The following ANKS1B variants were observed in gnomAD, a reference collection of about 807,000 sequenced individuals.
The protein encoded by ANKS1B is ankyrin repeat and sterile alpha motif domain-containing protein 1B.
Under a neutral mutation model 148.3 loss-of-function variants are expected in ANKS1B, and 36 were observed. That is an observed-to-expected ratio of 0.24 (90% CI 0.19 to 0.32). The LOEUF (loss-of-function observed/expected upper bound fraction) is 0.32, where lower values mean the gene tolerates loss of function less well. ANKS1B is among the 10% of genes least tolerant of loss of function. The probability of loss-of-function intolerance (pLI) is 1.00; values close to 1 mark genes in which losing one functional copy is unlikely to be tolerated. For missense variants in ANKS1B, 1,157 were observed against 1,542.6 expected (o/e 0.75, Z 4.19); for synonymous variants, 542 against 560.8 (o/e 0.97, Z 0.47).
chr12:98,956,899 C>T lies in ANKS1B; in HGVS notation c.2778+96258G>A, dbSNP rs74618772. ...TCTGCTCCTCCCTCCATCTCACTGC[C>T]ATGTCCTCCTTCTCCTACCAGCTAC... On this transcript the variant is annotated intron_variant, in intron 17 of 26. Coordinates refer to ENST00000683438, the MANE Select transcript of ANKS1B (RefSeq NM_001352186.2). Among the ~76,000 whole-genome samples, 638 of 152,262 alleles carry T rather than the reference C, an allele frequency of 4.2e-3. 2 individuals are homozygous for T. The highest frequency in any genetic ancestry group is 0.015 in the African/African-American group (621 of 41,548).
intron 17 of ANKS1B, among the ~76,000 whole-genome samples, chr12:98,840,370 T>G (rs1038402483): frequency 6.6e-6 from 1 of 152,172 alleles, no homozygotes; most frequent in East Asian, 1.9e-4. Context: ...CAACTGCTAC[T>G]AAATAATCAG....
In ANKS1B at chr12:99,141,292, A is replaced by T. The variant is rs558942980; in HGVS notation, c.2526+12997T>A. 5.9e-5 allele frequency among the ~76,000 whole-genome samples: 9 copies of T among 152,108 alleles called. 1 individual carries two copies. In the East Asian group the frequency reaches 1.4e-3, roughly 23 times the overall value. Reference sequence around the variant, plus strand: ...TTGACAGTTGTCTACTACTTCTTCTATCCAATGCAACATGGCTTCCGTGGC... The same window carrying T: ...TTGACAGTTGTCTACTACTTCTTCTTTCCAATGCAACATGGCTTCCGTGGC... On this transcript the variant is annotated intron_variant, in intron 15 of 26. Coordinates refer to ENST00000683438, the MANE Select transcript of ANKS1B (RefSeq NM_001352186.2).
chr12:99,166,513 C>T (rs1199160152), intron 14 of ANKS1B, among the ~76,000 whole-genome samples: 1 of 151,882 alleles, frequency 6.6e-6, no homozygotes, highest in South Asian at 2.1e-4. Flanking sequence ...TAAAAACCAA[C>T]ATAATTTACA....
intron 17 of ANKS1B, among the ~76,000 whole-genome samples, chr12:98,993,331 C>A (rs2099927755): frequency 6.6e-6 from 1 of 152,108 alleles, no homozygotes; most frequent in Non-Finnish European, 1.5e-5. Context: ...CCATGCCTGG[C>A]TAATTTTTTG....
At chr12:99,308,500 T>C (rs186835905) in intron 12 of ANKS1B, among the ~76,000 whole-genome samples, 2 of 152,074 alleles carry the variant, frequency 1.3e-5, no homozygotes, top group African/African-American at 4.8e-5. Flanking sequence ...CATTATCATT[T>C]GTCTATTTCT....
At chr12:98,754,071 C>A (rs1251318036) in intron 25 of ANKS1B, among the ~76,000 whole-genome samples, 1 of 152,180 alleles carries the variant, frequency 6.6e-6, no homozygotes, top group Non-Finnish European at 1.5e-5. Flanking sequence ...TGCCTCTGAG[C>A]TTGAGAGTCG....
intron 2 of ANKS1B, among the ~76,000 whole-genome samples, chr12:99,813,307 A>G (rs943701808): frequency 6.6e-6 from 1 of 151,564 alleles, no homozygotes; most frequent in African/African-American, 2.4e-5. Context: ...ACAAAACTGT[A>G]TTTTCATTTG....
At chr12:99,025,812 G>C (rs149165627) in intron 17 of ANKS1B, among the ~76,000 whole-genome samples, 1 of 152,304 alleles carries the variant, frequency 6.6e-6, no homozygotes, top group Non-Finnish European at 1.5e-5. Flanking sequence ...GTCAAAGAAG[G>C]AAATCCACTG....
At chr12:99,593,814 T>A (rs1373414813) in intron 9 of ANKS1B, among the ~76,000 whole-genome samples, 1 of 152,130 alleles carries the variant, frequency 6.6e-6, no homozygotes, top group African/African-American at 2.4e-5. Flanking sequence ...ATAAGGAAAC[T>A]GCCTACCCTG....
intron 17 of ANKS1B, among the ~76,000 whole-genome samples, chr12:98,866,871 G>A (rs939937570): frequency 2.6e-5 from 4 of 152,118 alleles, no homozygotes; most frequent in African/African-American, 9.7e-5. Flanking sequence ...TATCTTCACA[G>A]TCTCTTTATT....
intron 10 of ANKS1B, among the ~76,000 whole-genome samples, chr12:99,474,311 T>G (rs1272140389): frequency 6.6e-6 from 1 of 152,108 alleles, no homozygotes; most frequent in Non-Finnish European, 1.5e-5. Flanking sequence ...AAAACTATCT[T>G]ATCAAACCAT....
intron 10 of ANKS1B, among the ~76,000 whole-genome samples, chr12:99,503,781 G>A: frequency 6.6e-6 from 1 of 150,544 alleles, no homozygotes; most frequent in African/African-American, 2.4e-5. Flanking sequence ...AAAAAAAAAA[G>A]CCTCTCTTCA....
chr12:99,270,469 T>A (rs1363462138), intron 12 of ANKS1B, among the ~76,000 whole-genome samples: 2 of 152,196 alleles, frequency 1.3e-5, no homozygotes, highest in African/African-American at 4.8e-5. Context: ...TTTGTTTTCT[T>A]GCTTATTTTC....
intron 20 of ANKS1B, 150 bp downstream of exon 20, chr12:98,807,694 T>C: frequency 2.0e-6 from 1 of 492,388 alleles, no homozygotes. Flanking sequence ...GCACAGTAAA[T>C]GAAGTATAAT....
At chr12:99,353,493 T>C (rs34541229) in intron 12 of ANKS1B, among the ~76,000 whole-genome samples, 1 of 152,210 alleles carries the variant, frequency 6.6e-6, no homozygotes, top group Non-Finnish European at 1.5e-5. Flanking sequence ...TCTTCTATTG[T>C]GTTTTTAATG....
intron 19 of ANKS1B, among the ~76,000 whole-genome samples, chr12:98,823,211 T>A (rs566782648): frequency 6.6e-6 from 1 of 152,352 alleles, no homozygotes; most frequent in South Asian, 2.1e-4. Flanking sequence ...GCTTGTCAAC[T>A]TGACGAGCTG....
At chr12:99,675,290 CA>C (rs978486683) in intron 8 of ANKS1B, among the ~76,000 whole-genome samples, 1 of 151,498 alleles carries the variant, frequency 6.6e-6, no homozygotes, top group Admixed American at 6.6e-5. Flanking sequence ...GATATAAAAG[CA>C]AATAATTGAA....
intron 1 of ANKS1B, among the ~76,000 whole-genome samples, chr12:99,890,286 C>A (rs916304702): frequency 6.6e-6 from 1 of 152,018 alleles, no homozygotes; most frequent in Non-Finnish European, 1.5e-5. Flanking sequence ...AATTAGATTA[C>A]CCTCCCTAAT....
At chr12:99,412,838 G>T (rs1481031777) in intron 11 of ANKS1B, among the ~76,000 whole-genome samples, 2 of 152,162 alleles carry the variant, frequency 1.3e-5, no homozygotes, top group Non-Finnish European at 2.9e-5. Flanking sequence ...CTCGAAGAAA[G>T]TAAGTATCAT....
Sources: allele counts gnomAD v4.1 joint callset (sites outside exome capture counted in the v4.1 genomes callset), GRCh38; gene constraint gnomAD v4.1.1; transcripts MANE v1.5; gene names NCBI Gene and HGNC (gene_info 2026-07-23, HGNC 2026-07-21).